The following DNM3 variants were observed in gnomAD, a reference collection of about 807,000 sequenced individuals.
DNM3 encodes dynamin 3.
A neutral mutation model predicts 101.6 loss-of-function variants in DNM3; 47 were observed. The ratio of observed to expected loss-of-function variants is 0.46; its 90% CI spans 0.37 to 0.59. The LOEUF is 0.59. Among genes scored for constraint, DNM3 ranks in the 20% least tolerant of loss-of-function variants. The probability of loss-of-function intolerance (pLI) is 0.00; values close to 1 mark genes in which losing one functional copy is unlikely to be tolerated. For missense variants in DNM3, 849 were observed against 1,085.7 expected (o/e 0.78, Z 3.06); for synonymous variants, 385 against 387.9 (o/e 0.99, Z 0.09).
intron 4 of DNM3, among the ~76,000 whole-genome samples, chr1:172,031,775 C>T (rs2048627082): frequency 6.6e-6 from 1 of 152,060 alleles, no homozygotes; most frequent in South Asian, 2.1e-4. Context: ...GTTTTGGTGA[C>T]TTGCTTTGAG....
chr1:172,230,960 A>T (rs991123921), intron 14 of DNM3, among the ~76,000 whole-genome samples: 1 of 151,732 alleles, frequency 6.6e-6, no homozygotes, highest in Non-Finnish European at 1.5e-5. Context: ...AATGACATAG[A>T]TCTTCTCCTC....
intron 17 of DNM3, among the ~76,000 whole-genome samples, chr1:172,361,084 T>C (rs1363291491): frequency 7.9e-5 from 12 of 152,020 alleles, no homozygotes; most frequent in African/African-American, 1.4e-4. Context: ...TTGAGACTTA[T>C]TGGGGTGGCT....
At chr1:172,338,019 C>A (rs2066523846) in intron 17 of DNM3, among the ~76,000 whole-genome samples, 1 of 151,588 alleles carries the variant, frequency 6.6e-6, no homozygotes, top group South Asian at 2.1e-4. Context: ...CAGGTTCAAG[C>A]GATTCTCATG....
At chr1:172,235,229 G>C (rs557191443) in intron 14 of DNM3, among the ~76,000 whole-genome samples, 1 of 152,118 alleles carries the variant, frequency 6.6e-6, no homozygotes, top group Non-Finnish European at 1.5e-5. Flanking sequence ...TTATGCAGCC[G>C]AAAGACACGT....
chr1:172,241,206 T>A (rs539968757), intron 14 of DNM3, among the ~76,000 whole-genome samples: 1 of 150,588 alleles, frequency 6.6e-6, no homozygotes, highest in Non-Finnish European at 1.5e-5. Context: ...TTTTCATGCA[T>A]GGTATTTATC....
At chr1:172,018,220 T>TA (rs2125736012) in intron 4 of DNM3, among the ~76,000 whole-genome samples, 1 of 152,316 alleles carries the variant, frequency 6.6e-6, no homozygotes, top group African/African-American at 2.4e-5. Context: ...CACAGTTGAA[T>TA]TAATATCTAT....
intron 14 of DNM3, among the ~76,000 whole-genome samples, chr1:172,156,621 C>T (rs2058349511): frequency 1.3e-5 from 2 of 152,026 alleles, no homozygotes; most frequent in African/African-American, 4.8e-5. Context: ...TTTCCCTCCT[C>T]CTCCTCCTGT....
intron 15 of DNM3, among the ~76,000 whole-genome samples, chr1:172,256,692 TTTCC>T (rs2062412851): frequency 6.6e-6 from 1 of 151,972 alleles, no homozygotes; most frequent in African/African-American, 2.4e-5. Flanking sequence ...CTCTTAATTA[TTTCC>T]TTCCTTGTAT....
rs12031652 is a variant in DNM3, at chr1:172,248,087, T to G, written c.1660-5486T>G. On this transcript the variant is annotated intron_variant, in intron 14 of 20. Transcript: ENST00000627582. Reference sequence around the variant, plus strand: ...TAGGAGCAGAATCTATGCTTTTTTTTGTATGCTTTTGAAGTATATTGGATT... The same window carrying G: ...TAGGAGCAGAATCTATGCTTTTTTTGGTATGCTTTTGAAGTATATTGGATT... Among the ~76,000 whole-genome samples the G allele has an allele frequency of 3.9e-5, 6 of 152,292 alleles. No individual in the cohort carries two copies. The East Asian group carries it at 1.2e-3, about 29-fold the overall frequency.
rs555972280 is a variant in DNM3, at chr1:172,357,569, T to G, written c.1894-21449T>G. Among the ~76,000 whole-genome samples the G allele has an allele frequency of 2.0e-4, 31 of 152,202 alleles. 1 individual carries two copies. In the South Asian group the frequency reaches 4.8e-3, roughly 23 times the overall value. Reference sequence around the variant, plus strand: ...AGGGTCATAAAAGATGAAAAAAGACTGAGGTATTGCTCCAAATTAAAGGAG... The same window carrying G: ...AGGGTCATAAAAGATGAAAAAAGACGGAGGTATTGCTCCAAATTAAAGGAG... On this transcript the variant is annotated intron_variant, in intron 17 of 20. Coordinates refer to ENST00000627582, the MANE Select transcript of DNM3 (RefSeq NM_015569.5).
intron 1 of DNM3, among the ~76,000 whole-genome samples, chr1:171,914,916 T>C (rs1013376176): frequency 1.3e-5 from 2 of 148,918 alleles, no homozygotes; most frequent in Non-Finnish European, 3.0e-5. Context: ...GGTAGAGACA[T>C]GTGGGGGTGG....
At chr1:171,866,241 T>G (rs2034731554) in intron 1 of DNM3, among the ~76,000 whole-genome samples, 1 of 151,242 alleles carries the variant, frequency 6.6e-6, no homozygotes, top group Non-Finnish European at 1.5e-5. Context: ...AAAGCACTAC[T>G]CTAATCGCTC....
intron 17 of DNM3, among the ~76,000 whole-genome samples, chr1:172,357,319 G>A (rs1053296805): frequency 1.3e-5 from 2 of 152,054 alleles, no homozygotes; most frequent in African/African-American, 4.8e-5. Flanking sequence ...AAACTTTACA[G>A]TGGAGAAACC....
At chr1:172,023,268 T>G (rs1246074153) in intron 4 of DNM3, among the ~76,000 whole-genome samples, 1 of 152,196 alleles carries the variant, frequency 6.6e-6, no homozygotes, top group African/African-American at 2.4e-5. Context: ...GTTGTATTCC[T>G]GCTTCCTGGA....
At chr1:171,925,951 A>G (rs1039493469) in intron 2 of DNM3, among the ~76,000 whole-genome samples, 1 of 152,234 alleles carries the variant, frequency 6.6e-6, no homozygotes, top group Non-Finnish European at 1.5e-5. Context: ...AACACCATTT[A>G]TTGAGTAGGA....
chr1:172,064,442 A>G (rs574151216), intron 10 of DNM3, among the ~76,000 whole-genome samples: 159 of 152,276 alleles, frequency 1.0e-3, no homozygotes, highest in African/African-American at 3.5e-3. Context: ...GAATTGAGCA[A>G]TCAAAGTTAA....
At chr1:172,308,117 C>G (rs1036111092) in intron 15 of DNM3, among the ~76,000 whole-genome samples, 1 of 152,096 alleles carries the variant, frequency 6.6e-6, no homozygotes, top group African/African-American at 2.4e-5. Context: ...TCTCTACTTT[C>G]CAAATATTTA....
intron 14 of DNM3, chr1:172,139,011 T>C (rs1421389565): frequency 4.5e-6 from 2 of 446,026 alleles, no homozygotes; most frequent in Non-Finnish European, 9.1e-6. Context: ...AAATACACAA[T>C]ATAATTAAAC....
At chr1:172,084,255 A>T (rs1413759920) in intron 12 of DNM3, among the ~76,000 whole-genome samples, 1 of 152,186 alleles carries the variant, frequency 6.6e-6, no homozygotes, top group African/African-American at 2.4e-5. Flanking sequence ...CCTTTAAAAA[A>T]AACTATGGTG....
Sources: allele counts gnomAD v4.1 joint callset (sites outside exome capture counted in the v4.1 genomes callset), GRCh38; gene constraint gnomAD v4.1.1; transcripts MANE v1.5; gene names NCBI Gene and HGNC (gene_info 2026-07-23, HGNC 2026-07-21).